DYSF: variants seen among roughly 807,000 people sequenced by gnomAD.
DYSF encodes dysferlin.
DYSF carries 212 observed loss-of-function variants against 274.9 expected under a neutral mutation model. The ratio of observed to expected loss-of-function variants is 0.77; its 90% CI spans 0.69 to 0.86. The LOEUF (loss-of-function observed/expected upper bound fraction) is 0.86, where lower values mean the gene tolerates loss of function less well. Among genes scored for constraint, DYSF ranks in the 40% least tolerant of loss-of-function variants. The pLI is 0.00. For missense variants in DYSF, 2,666 were observed against 2,783.2 expected, an observed-to-expected ratio of 0.96 and a Z score of 0.95; for synonymous variants, 1,091 against 1,078.7, an observed-to-expected ratio of 1.01 and a Z score of -0.22.
chr2:71,569,845 CA>C lies in DYSF; in HGVS notation c.2891del (p.His964ProfsTer2). 3 of 1,614,090 alleles carry C rather than the reference CA, an allele frequency of 1.9e-6. No homozygotes were observed. Among genetic ancestry groups the C allele is most frequent in the Non-Finnish European group, 2.5e-6 (3 of 1,180,028 alleles). ...KTLLHDMDAGHLSFVEEVFEN... is the reference protein window; with the variant it reads ...KTLLHDMDAGXLSFVEEVFEN... ...TCTGCTCCATGACATGGACGCCGGT[CA>C]CCTGAGCTTCGTGGAAGAGGTGTTT... On this transcript the variant is annotated frameshift_variant, in exon 27 of 56. Coordinates refer to ENST00000410020, the MANE Select transcript of DYSF (RefSeq NM_001130987.2). LOFTEE classifies it high-confidence loss of function.
intron 16 of DYSF, among the ~76,000 whole-genome samples, chr2:71,537,223 G>GTTTTGTTTTTTTTTTTTTT (rs1553536523): frequency 1.3e-5 from 1 of 79,624 alleles, no homozygotes; most frequent in African/African-American, 4.7e-5. Context: ...TTCTAGTTTT[G>GTTTTGTTTTTTTTTTTTTT]TTTTTTTTTT....
intron 32 of DYSF, among the ~76,000 whole-genome samples, chr2:71,593,571 C>T (rs945319971): frequency 3.3e-5 from 5 of 152,330 alleles, no homozygotes; most frequent in South Asian, 2.1e-4. Flanking sequence ...CACCTAGCTC[C>T]GTCCTGCCCA....
chr2:71,552,946 C>T (rs962228962), intron 19 of DYSF, 65 bp from the exon 20 acceptor site: 1 of 1,571,346 alleles, frequency 6.4e-7, no homozygotes, highest in African/African-American at 1.3e-5. Flanking sequence ...ACGTATGTCC[C>T]CTCCCCAGCC....
rs964923863 is a variant in DYSF, at chr2:71,617,124, T to C, written c.4465-3423T>C. Among the ~76,000 whole-genome samples, 3 of 152,312 alleles carry C rather than the reference T, an allele frequency of 2.0e-5. No individual in the cohort carries two copies. In the East Asian group the frequency reaches 5.8e-4, roughly 29 times the overall value. ...GCCAGCTGGGTATGGCAAGGGCGGC[T>C]CTTGCTTAGCATTCCGAGAGAGCAC... On this transcript the variant is annotated intron_variant, in intron 40 of 55. Coordinates refer to ENST00000410020, the MANE Select transcript of DYSF (RefSeq NM_001130987.2).
At position 71,656,515 on chromosome 2, in the gene DYSF, A is replaced by G. The variant is rs143215661; in HGVS notation, c.4755+225A>G. ...AGTGGTGGTGACTCTGGTAGAGATGAGAGTGGTGGTCATGATGGTGATTGT... is the reference window on the plus strand; with the variant it reads ...AGTGGTGGTGACTCTGGTAGAGATGGGAGTGGTGGTCATGATGGTGATTGT... On this transcript the variant is annotated intron_variant, in intron 43 of 55. Coordinates refer to ENST00000410020, the MANE Select transcript of DYSF (RefSeq NM_001130987.2). Among the ~76,000 whole-genome samples, 240 of 152,232 alleles carry G rather than the reference A, an allele frequency of 1.6e-3. 2 individuals are homozygous for G. The highest frequency in any genetic ancestry group is 5.5e-3 in the African/African-American group (227 of 41,530).
At chr2:71,546,213 TC>T in intron 17 of DYSF, among the ~76,000 whole-genome samples, 1 of 152,248 alleles carries the variant, frequency 6.6e-6, no homozygotes, top group East Asian at 1.9e-4. Flanking sequence ...TCAGAACGCG[TC>T]GCTCCAACTT....
chr2:71,647,049 T>TA (rs1177651889), intron 42 of DYSF, among the ~76,000 whole-genome samples: 3 of 152,134 alleles, frequency 2.0e-5, no homozygotes, highest in African/African-American at 7.2e-5. Flanking sequence ...TAGAAATACT[T>TA]AAAGCAAAAA....
intron 12 of DYSF, among the ~76,000 whole-genome samples, chr2:71,525,060 A>T (rs2087706422): frequency 6.6e-6 from 1 of 152,236 alleles, no homozygotes; most frequent in Non-Finnish European, 1.5e-5. Flanking sequence ...AATGCACAGC[A>T]GTGGTCTAGA....
chr2:71,569,757 T>C, intron 26 of DYSF, 63 bp from the exon 27 acceptor site: 1 of 1,389,408 alleles, frequency 7.2e-7, no homozygotes, highest in South Asian at 1.2e-5. Flanking sequence ...CTCCAGGAGG[T>C]GGTAGATGGA....
chr2:71,639,138 G>A (rs2094450850), intron 41 of DYSF, among the ~76,000 whole-genome samples: 1 of 152,152 alleles, frequency 6.6e-6, no homozygotes, highest in Admixed American at 6.5e-5. Flanking sequence ...TCTGGGGAAT[G>A]TCAACTTAAA....
intron 32 of DYSF, among the ~76,000 whole-genome samples, chr2:71,598,137 T>C (rs778595215): frequency 1.4e-4 from 21 of 152,246 alleles, no homozygotes; most frequent in Non-Finnish European, 2.5e-4. Flanking sequence ...ATATTTTATA[T>C]TTAGTTCAAA....
chr2:71,625,097 C>T (rs972591255), intron 41 of DYSF, among the ~76,000 whole-genome samples: 7 of 152,010 alleles, frequency 4.6e-5, no homozygotes, highest in African/African-American at 1.7e-4. Context: ...TCCAAAGAAC[C>T]AGCTCTTTAA....
intron 22 of DYSF, among the ~76,000 whole-genome samples, chr2:71,558,377 T>C (rs2091479571): frequency 6.6e-6 from 1 of 151,708 alleles, no homozygotes; most frequent in African/African-American, 2.4e-5. Context: ...CAGAGTGGGG[T>C]TGGAGGGGCA....
At chr2:71,539,343 AT>A in intron 17 of DYSF, 104 bp downstream of exon 17, 1 of 1,021,406 alleles carries the variant, frequency 9.8e-7, no homozygotes, top group Non-Finnish European at 1.5e-6. Flanking sequence ...AAAAGGGGAG[AT>A]TATAAGGCCT....
intron 55 of DYSF, among the ~76,000 whole-genome samples, chr2:71,684,240 G>C (rs1400883781): frequency 1.3e-5 from 2 of 152,240 alleles, no homozygotes; most frequent in Non-Finnish European, 2.9e-5. Flanking sequence ...TATAAGCTGA[G>C]ATACAGGACT....
At chr2:71,482,256 G>T (rs1426101232) in intron 3 of DYSF, among the ~76,000 whole-genome samples, 1 of 152,184 alleles carries the variant, frequency 6.6e-6, no homozygotes, top group Non-Finnish European at 1.5e-5. Context: ...GGAGCAGGAA[G>T]ACTCGCTTCC....
At position 71,551,118 on chromosome 2, in the gene DYSF, G is replaced by A. The variant is rs780677692; in HGVS notation, c.1654G>A (p.Gly552Ser). 6.2e-6 allele frequency: 10 copies of A among 1,614,026 alleles called. No homozygotes were observed. The Admixed American group carries it at 1.3e-4, about 22-fold the overall frequency. ...NLYGSPREFTGFPDPYTELNT... is the reference protein window; with the variant it reads ...NLYGSPREFTSFPDPYTELNT... The stretch of plus-strand genomic sequence containing the variant: ...CTATGGCAGTCCCAGAGAGTTCACA[G>A]GCTTCCCAGACCCCTACACAGAGCT... Residue 552 changes from glycine (G) to serine (S), a missense_variant, in exon 18 of 56, where the codon GGC becomes AGC. Gly to Ser is a moderately conservative substitution (Grantham distance 56). Coordinates refer to ENST00000410020, the MANE Select transcript of DYSF (RefSeq NM_001130987.2).
intron 51 of DYSF, among the ~76,000 whole-genome samples, chr2:71,670,159 A>G (rs759877993): frequency 4.6e-5 from 7 of 151,698 alleles, no homozygotes; most frequent in South Asian, 2.1e-4. Flanking sequence ...CTCTTCCACC[A>G]TCTTTCCCAT....
intron 41 of DYSF, among the ~76,000 whole-genome samples, chr2:71,640,815 A>G (rs72904618): frequency 0.051 from 7,772 of 151,980 alleles, 673 homozygotes; most frequent in African/African-American, 0.18. Context: ...AAAAACTTTC[A>G]TCTTTTTCTA....
Sources: gnomAD v4.1 joint callset for allele counts (sites outside exome capture counted in the v4.1 genomes callset) on GRCh38, gnomAD v4.1.1 for gene constraint, MANE v1.5 for transcripts, NCBI Gene and HGNC (gene_info 2026-07-23, HGNC 2026-07-21) for gene names.